TRANK1: variants seen among roughly 807,000 people sequenced by gnomAD.
The protein encoded by TRANK1 is tetratricopeptide repeat and ankyrin repeat containing 1, also known as TPR and ankyrin repeat-containing protein 1.
Under a neutral mutation model 266.0 loss-of-function variants are expected in TRANK1, and 198 were observed. The ratio of observed to expected loss-of-function variants is 0.74; its 90% CI spans 0.66 to 0.84. TRANK1 has a LOEUF of 0.84. Among genes scored for constraint, TRANK1 ranks in the 40% least tolerant of loss-of-function variants. TRANK1 has a pLI of 0.00. For synonymous variants in TRANK1, 1,396 were observed against 1,384.1 expected, an observed-to-expected ratio of 1.01 and a Z score of -0.19; for missense variants, 3,326 against 3,634.6, an observed-to-expected ratio of 0.92 and a Z score of 2.18.
intron 1 of TRANK1, among the ~76,000 whole-genome samples, chr3:36,941,977 T>A (rs958783619): frequency 1.3e-5 from 2 of 152,180 alleles, no homozygotes; most frequent in Non-Finnish European, 2.9e-5. Flanking sequence ...CAACACCACA[T>A]ACTTGATAAT....
chr3:36,858,056 G>T lies in TRANK1; in HGVS notation c.1673-7C>A. ...AAGCTAAAACCAATGTCAGCTGAAA[G>T]ACACAAACAAAACCCTGTGAGCACT... is the stretch of plus-strand genomic sequence containing the variant. On this transcript the variant is annotated splice_polypyrimidine_tract_variant and splice_region_variant and intron_variant, in intron 12 of 23. Transcript: ENST00000645898. The T allele has an allele frequency of 6.6e-7, 1 of 1,524,814 alleles. No individual in the cohort carries two copies. Among genetic ancestry groups the T allele is most frequent in the Non-Finnish European group, 8.8e-7 (1 of 1,140,776 alleles). 94.5% of individuals were successfully genotyped at this position (1,524,814 alleles called of 1,614,324 possible). A position where few individuals can be genotyped will look rare whatever the true frequency, so the allele number is the denominator to read the frequency against.
chr3:36,940,464 C>T (rs2080482326), intron 1 of TRANK1, among the ~76,000 whole-genome samples: 1 of 150,692 alleles, frequency 6.6e-6, no homozygotes, highest in Non-Finnish European at 1.5e-5. Flanking sequence ...CGTGCCACTG[C>T]ACTCCAGCCT....
At chr3:36,933,458 C>G (rs890395304) in intron 1 of TRANK1, among the ~76,000 whole-genome samples, 1 of 152,248 alleles carries the variant, frequency 6.6e-6, no homozygotes, top group Admixed American at 6.5e-5. Context: ...ACTACAATTT[C>G]TAGAGCAAGG....
At chr3:36,875,761 T>G (rs896787341) in intron 8 of TRANK1, among the ~76,000 whole-genome samples, 1 of 152,198 alleles carries the variant, frequency 6.6e-6, no homozygotes, top group Non-Finnish European at 1.5e-5. Flanking sequence ...CCCTACCTAC[T>G]TCCCCCCAGA....
In TRANK1 at chr3:36,826,857, A is replaced by G. The variant is rs1037516422; in HGVS notation, c.*1418T>C. ...TTAACTTTATAAAAAATGTGATAAT[A>G]CAGCAAGATATTGTTGGGGTTTTCT... is the stretch of plus-strand genomic sequence containing the variant. On this transcript the variant is annotated 3_prime_UTR_variant, in exon 24 of 24. Transcript: ENST00000645898. 6.6e-6 allele frequency: 1 copy of G among 152,236 alleles called. No individual in the cohort carries two copies. The highest frequency in any genetic ancestry group is 6.5e-5 in the Admixed American group (1 of 15,288). The allele number at this position is 152,236 out of a possible 1,614,324, so 9.4% of individuals were successfully genotyped here.
chr3:36,923,959 T>A (rs967015437), intron 1 of TRANK1, among the ~76,000 whole-genome samples: 6 of 151,764 alleles, frequency 4.0e-5, no homozygotes, highest in Non-Finnish European at 7.3e-5. Flanking sequence ...AGACTCTCTC[T>A]CCTATCTGGC....
At chr3:36,869,109 A>G (rs2079268950) in intron 9 of TRANK1, among the ~76,000 whole-genome samples, 1 of 152,236 alleles carries the variant, frequency 6.6e-6, no homozygotes, top group African/African-American at 2.4e-5. Context: ...ATTTAGGACT[A>G]AAGCCTTGCT....
intron 1 of TRANK1, among the ~76,000 whole-genome samples, chr3:36,909,344 C>G (rs1282955593): frequency 1.3e-5 from 2 of 152,164 alleles, no homozygotes; most frequent in African/African-American, 4.8e-5. Flanking sequence ...TTGGAGAGAA[C>G]TGCCTGGCAG....
At chr3:36,904,179 T>TTCC (rs2079926890) in intron 2 of TRANK1, among the ~76,000 whole-genome samples, 1 of 150,738 alleles carries the variant, frequency 6.6e-6, no homozygotes, top group South Asian at 2.2e-4. Flanking sequence ...TGGTCTCGAA[T>TTCC]TCCTGACCTC....
rs778217215 is a variant in TRANK1, at chr3:36,856,102, C to T, written c.3620G>A (p.Arg1207Lys). 3.7e-6 allele frequency: 6 copies of T among 1,613,644 alleles called. No individual in the cohort carries two copies. Among genetic ancestry groups the T allele is most frequent in the African/African-American group, 2.7e-5 (2 of 74,814 alleles). Residue 1207 changes from arginine (R) to lysine (K), a missense_variant, in exon 13 of 24, where the codon AGG (arginine) becomes AAG (lysine). By Grantham distance (26) the Arg-to-Lys change is conservative. Transcript: ENST00000645898. Reference protein sequence around the residue: ...KNHVLCQEVQRNFIELSKSTK... With the variant: ...KNHVLCQEVQKNFIELSKSTK... ...GGACTTGGAAAGCTCAATGAAATTC[C>T]TTTGTACCTCCTGGCACAGCACATG...
In TRANK1 at chr3:36,899,342, T is replaced by C. The variant is rs1416348181; in HGVS notation, c.283-83A>G. On this transcript the variant is annotated intron_variant, in intron 3 of 23. Coordinates refer to ENST00000645898, the MANE Select transcript of TRANK1 (RefSeq NM_001329998.2). Reference sequence around the variant, plus strand: ...GAAAGAAAAAGCAAAATTGGCAACATGGGAAATCCAACTCTAAAAGTCTGA... The same window carrying C: ...GAAAGAAAAAGCAAAATTGGCAACACGGGAAATCCAACTCTAAAAGTCTGA... 4.9e-6 allele frequency: 7 copies of C among 1,441,918 alleles called. No individual in the cohort carries two copies. In the East Asian group the frequency reaches 1.8e-4, roughly 36 times the overall value. The allele number at this position is 1,441,918 out of a possible 1,614,324, so 89.3% of individuals were successfully genotyped here.
Position 36,856,291 on chromosome 3 carries a change from G to T in TRANK1, c.3431C>A (p.Ser1144Tyr). ...GCTTTCTACTGTTTCCACTTCAATA[G>T]AATCTTCCTCTTCCTCGTCCTCTTC... Reference protein sequence around the residue: ...EEEEDEEEEDSIEVETVESID... With the variant: ...EEEEDEEEEDYIEVETVESID... Residue 1144 changes from serine to tyrosine, a missense_variant, in exon 13 of 24, where the codon TCT (serine) becomes TAT (tyrosine). Ser to Tyr is a moderately radical substitution (Grantham distance 144). Coordinates refer to ENST00000645898, the MANE Select transcript of TRANK1 (RefSeq NM_001329998.2). The T allele has an allele frequency of 6.3e-7, 1 of 1,592,834 alleles. No individual in the cohort carries two copies. Among genetic ancestry groups the T allele is most frequent in the Non-Finnish European group, 8.6e-7 (1 of 1,169,314 alleles).
In TRANK1 at chr3:36,908,397, C is replaced by T. The variant is rs2080004199; in HGVS notation, c.81G>A (p.Lys27=). The T allele has an allele frequency of 8.1e-7, 1 of 1,232,130 alleles. No homozygotes were observed. The highest frequency in any genetic ancestry group is 1.0e-6 in the Non-Finnish European group (1 of 988,020). The allele number at this position is 1,232,130 out of a possible 1,614,324, so 76.3% of individuals were successfully genotyped here. The part of the protein sequence containing the change: ...LLKESGNQVL[K]NGNFSLAIRK... ...TGATGGCCAAAGAGAAGTTCCCATT[C>T]TTAAGAACCTGGTTGCCGGATTCTT... is the stretch of plus-strand genomic sequence containing the variant. Residue 27 remains lysine, a synonymous_variant, in exon 2 of 24, where the codon AAG becomes AAA. Transcript: ENST00000645898.
chr3:36,932,496 G>A (rs184374680), intron 1 of TRANK1, among the ~76,000 whole-genome samples: 1 of 152,334 alleles, frequency 6.6e-6, no homozygotes, highest in Non-Finnish European at 1.5e-5. Flanking sequence ...CTGGGAGGTG[G>A]AGGTCGCAGT....
rs114331161 is a variant in TRANK1, at chr3:36,932,245, G to A, written c.23+12542C>T. On this transcript the variant is annotated intron_variant, in intron 1 of 23. Transcript: ENST00000645898. ...AGATTCACTGACATACTGCCATGGC[G>A]GATAAAGCAGTACAGCATCTGTCTA... 2.8e-3 allele frequency among the ~76,000 whole-genome samples: 433 copies of A among 152,290 alleles called. 3 individuals carry two copies. The highest frequency in any genetic ancestry group is 9.8e-3 in the African/African-American group (406 of 41,544).
chr3:36,829,496 G>A lies in TRANK1; in HGVS notation c.8809+68C>T, dbSNP rs531362320. 24 of 1,528,816 alleles carry A rather than the reference G, an allele frequency of 1.6e-5. No individual in the cohort carries two copies. The Admixed American group carries it at 1.7e-4, about 11-fold the overall frequency. The allele number at this position is 1,528,816 out of a possible 1,614,324, so 94.7% of individuals were successfully genotyped here. The stretch of plus-strand genomic sequence containing the variant: ...GGCTGCCCCACTTCAGATTCCCCCC[G>A]GGAGCCAGCAGTAATAAGAACCACA... On this transcript the variant is annotated intron_variant, in intron 23 of 23. Transcript: ENST00000645898.
At chr3:36,829,037 T>C (rs949611338) in intron 23 of TRANK1, among the ~76,000 whole-genome samples, 5 of 152,246 alleles carry the variant, frequency 3.3e-5, no homozygotes, top group Non-Finnish European at 7.3e-5. Flanking sequence ...AAGATCATTC[T>C]GACTGCCAGG....
chr3:36,930,398 G>A (rs2080345531), intron 1 of TRANK1, among the ~76,000 whole-genome samples: 1 of 152,156 alleles, frequency 6.6e-6, no homozygotes, highest in Non-Finnish European at 1.5e-5. Flanking sequence ...TTTCCCGGTA[G>A]GAACTCAGCC....
At chr3:36,922,658 C>T (rs1461056641) in intron 1 of TRANK1, among the ~76,000 whole-genome samples, 1 of 151,964 alleles carries the variant, frequency 6.6e-6, no homozygotes, top group African/African-American at 2.4e-5. Context: ...CACCTGTAGT[C>T]CCAGCTACTC....
Sources: allele counts gnomAD v4.1 joint callset (sites outside exome capture counted in the v4.1 genomes callset), GRCh38; gene constraint gnomAD v4.1.1; transcripts MANE v1.5; gene names NCBI Gene and HGNC (gene_info 2026-07-23, HGNC 2026-07-21).